Variants in MYZAP observed in about 807,000 individuals in gnomAD.
The protein encoded by MYZAP is GRINL1A complex locus upstream.
Under a neutral mutation model 69.4 loss-of-function variants are expected in MYZAP, and 66 were observed. That is an observed-to-expected ratio of 0.95 (90% confidence interval 0.78 to 1.17). MYZAP has a LOEUF of 1.17. Among genes scored for constraint, MYZAP ranks in the 50% most tolerant of loss-of-function variants. The pLI is 0.00. For missense variants in MYZAP, 611 were observed against 556.2 expected, an observed-to-expected ratio of 1.10 and a Z score of -0.99; for synonymous variants, 256 against 205.9, an observed-to-expected ratio of 1.24 and a Z score of -2.09.
chr15:57,639,122 T>C (rs1370913762), intron 9 of MYZAP, among the ~76,000 whole-genome samples: 1 of 152,238 alleles, frequency 6.6e-6, no homozygotes, highest in Non-Finnish European at 1.5e-5. Context: ...GATTTCTTGT[T>C]CTTGGAAGCA....
chr15:57,651,620 C>A (rs559988334), intron 10 of MYZAP, among the ~76,000 whole-genome samples: 1 of 152,212 alleles, frequency 6.6e-6, no homozygotes, highest in South Asian at 2.1e-4. Context: ...TTACTTGGGT[C>A]GTAATATCAG....
Position 57,633,653 on chromosome 15 carries a change from A to G in MYZAP, c.845A>G (p.Asn282Ser), listed in dbSNP as rs1471593424. 1.2e-6 allele frequency: 2 copies of G among 1,613,666 alleles called. No homozygotes were observed. The highest frequency in any genetic ancestry group is 1.7e-6 in the Non-Finnish European group (2 of 1,179,812). Residue 282 changes from asparagine to serine, a missense_variant, in exon 8 of 13, where the codon AAT (asparagine) becomes AGT (serine). Transcript: ENST00000267853. ...TTTCTGAAAGCGATTGAAGAAGCCA[A>G]TAAAAAGATGCAAGCAGCAGAGATC... ...NSFLKAIEEA[N>S]KKMQAAEISL...
At chr15:57,624,264 G>T (rs1567212475) in intron 4 of MYZAP, among the ~76,000 whole-genome samples, 2 of 152,118 alleles carry the variant, frequency 1.3e-5, no homozygotes, top group East Asian at 3.9e-4. Context: ...AATATCTGTG[G>T]GAAAGAAGGG....
chr15:57,629,648 C>G, intron 5 of MYZAP, 54 bp from the exon 6 acceptor site: 1 of 1,587,882 alleles, frequency 6.3e-7, no homozygotes, highest in Admixed American at 1.8e-5. Context: ...GTGGTGCAGC[C>G]CATGTGTTTT....
chr15:57,640,854 C>T (rs1302724489), intron 10 of MYZAP, among the ~76,000 whole-genome samples: 2 of 152,216 alleles, frequency 1.3e-5, no homozygotes, highest in Non-Finnish European at 2.9e-5. Flanking sequence ...TCTTTGCAAT[C>T]GTTTTGTGCA....
chr15:57,612,237 C>A (rs935805122), intron 2 of MYZAP, among the ~76,000 whole-genome samples: 2 of 152,134 alleles, frequency 1.3e-5, no homozygotes, highest in African/African-American at 4.8e-5. Flanking sequence ...GGCTTCCAGT[C>A]TGGAAGTCAC....
chr15:57,680,481 G>A (rs1256629683), intron 12 of MYZAP, among the ~76,000 whole-genome samples: 1 of 109,254 alleles, frequency 9.2e-6, no homozygotes, highest in Non-Finnish European at 1.9e-5. Flanking sequence ...GTGGGTTCAG[G>A]AGTTCACACA....
intron 1 of MYZAP, among the ~76,000 whole-genome samples, chr15:57,593,214 A>ACACACACACACACACACACACACACACC (rs1172761785): frequency 1.4e-4 from 20 of 141,422 alleles, no homozygotes; most frequent in South Asian, 2.4e-4. Flanking sequence ...ACACACACAC[A>ACACACACACACACACACACACACACACC]CCCCAGAATC....
chr15:57,646,321 A>C, intron 10 of MYZAP: 1 of 1,204,482 alleles, frequency 8.3e-7, no homozygotes, highest in Non-Finnish European at 1.1e-6. Flanking sequence ...CAGGAAGGAC[A>C]TATTATTTAA....
chr15:57,664,875 A>C (rs533554041), intron 11 of MYZAP, among the ~76,000 whole-genome samples: 1 of 152,190 alleles, frequency 6.6e-6, no homozygotes, highest in African/African-American at 2.4e-5. Context: ...TTATTGGTAA[A>C]TAGGAACTCT....
chr15:57,657,020 T>A (rs1050865009), intron 10 of MYZAP, among the ~76,000 whole-genome samples: 2 of 152,104 alleles, frequency 1.3e-5, no homozygotes, highest in African/African-American at 4.8e-5. Context: ...TCTATAGCAC[T>A]CTCTCTAGGT....
In MYZAP at chr15:57,684,500, C is replaced by T. The variant is rs768255718; in HGVS notation, c.*2C>T. On this transcript the variant is annotated 3_prime_UTR_variant, in exon 13 of 13. Coordinates refer to ENST00000267853, the MANE Select transcript of MYZAP (RefSeq NM_001018100.5). ...ACCATGAAGAAAACTCTGACTTAGG[C>T]ACTCAGAGGCATACACTTTTTACAG... 3.2e-5 allele frequency: 50 copies of T among 1,574,640 alleles called. No homozygotes were observed. In the Admixed American group the frequency reaches 5.6e-4, roughly 18 times the overall value.
At chr15:57,636,638 T>C (rs1221922761) in intron 8 of MYZAP, among the ~76,000 whole-genome samples, 1 of 152,202 alleles carries the variant, frequency 6.6e-6, no homozygotes, top group African/African-American at 2.4e-5. Flanking sequence ...TTTAAGGAAA[T>C]TTGTTACACT....
chr15:57,668,166 C>T (rs566636301), intron 11 of MYZAP, among the ~76,000 whole-genome samples: 2 of 152,104 alleles, frequency 1.3e-5, no homozygotes, highest in African/African-American at 2.4e-5. Context: ...ATGAATATAT[C>T]GCAGTTTATT....
chr15:57,670,378 A>G (rs1419625093), intron 11 of MYZAP, among the ~76,000 whole-genome samples: 5 of 151,982 alleles, frequency 3.3e-5, no homozygotes, highest in Non-Finnish European at 5.9e-5. Context: ...CTTGATATCT[A>G]TTTTAACTGA....
At chr15:57,666,640 G>A (rs768876016) in intron 11 of MYZAP, among the ~76,000 whole-genome samples, 2 of 152,022 alleles carry the variant, frequency 1.3e-5, no homozygotes, top group Non-Finnish European at 2.9e-5. Context: ...ACATAAACAT[G>A]GGAACGATAA....
intron 11 of MYZAP, among the ~76,000 whole-genome samples, chr15:57,668,889 TA>T (rs1252868550): frequency 0.077 from 9,827 of 127,368 alleles, 540 homozygotes; most frequent in East Asian, 0.25. Context: ...TATATATATA[TA>T]TATATTTTTT....
At chr15:57,604,152 A>G (rs1164672308) in intron 1 of MYZAP, 117 bp from the exon 2 acceptor site, 4 of 1,081,910 alleles carry the variant, frequency 3.7e-6, no homozygotes, top group Non-Finnish European at 5.4e-6. Context: ...CTGTATGATC[A>G]GGACAGTGTT....
intron 11 of MYZAP, among the ~76,000 whole-genome samples, chr15:57,662,967 T>G (rs1468525993): frequency 6.6e-6 from 1 of 152,224 alleles, no homozygotes; most frequent in East Asian, 1.9e-4. Flanking sequence ...TTTTCCCCAT[T>G]TCCACTCCTG....
Sources: allele counts gnomAD v4.1 joint callset (sites outside exome capture counted in the v4.1 genomes callset), GRCh38; gene constraint gnomAD v4.1.1; transcripts MANE v1.5; gene names NCBI Gene and HGNC (gene_info 2026-07-23, HGNC 2026-07-21).